Variants in ATRX observed in about 807,000 individuals in gnomAD.
ATRX encodes ATRX chromatin remodeler, also known as chromatin remodeler ATRX.
In ATRX, 12 loss-of-function variants were observed where a neutral mutation model predicts 172.6. The ratio of observed to expected loss-of-function variants is 0.07; its 90% CI spans 0.04 to 0.11. The LOEUF is 0.11. Ranked by LOEUF, ATRX falls within the 10% of genes least tolerant of loss-of-function variation. The probability of loss-of-function intolerance (pLI) is 1.00; values close to 1 mark genes in which losing one functional copy is unlikely to be tolerated. For synonymous variants in ATRX, 674 were observed against 594.7 expected, an observed-to-expected ratio of 1.13 and a Z score of -1.94; for missense variants, 1,368 against 1,767.4, an observed-to-expected ratio of 0.77 and a Z score of 4.05.
At chrX:77,540,186 C>G (rs1557050194) in intron 30 of ATRX, among the ~76,000 whole-genome samples, 2 of 111,415 alleles carry the variant, frequency 1.8e-5, no homozygotes, top group Non-Finnish European at 3.8e-5. Flanking sequence ...ATAAAACAGA[C>G]TTTAAAACCA....
Position 77,682,228 on chromosome X carries a change from C to T in ATRX, c.3028G>A (p.Glu1010Lys), listed in dbSNP as rs1557138332. 7 of 1,209,423 alleles carry T rather than the reference C, an allele frequency of 5.8e-6. No individual in the cohort carries two copies. Among genetic ancestry groups the T allele is most frequent in the Non-Finnish European group, 2.2e-6 (2 of 894,280 alleles). Residue 1010 changes from glutamate (E) to lysine (K), a missense_variant, in exon 9 of 35, where the codon GAA becomes AAA. Physicochemically the swap from Glu to Lys is moderately conservative, Grantham distance 56. Transcript: ENST00000373344. ...TTTTCAGTGCCATCAGATGAAGATT[C>T]ATACTGTTGTTCCATTTTAATTACT... ...KKVIKMEQQYESSSDGTEKLP... is the reference protein window; with the variant it reads ...KKVIKMEQQYKSSSDGTEKLP...
At chrX:77,639,498 G>A (rs2068550752) in intron 15 of ATRX, among the ~76,000 whole-genome samples, 2 of 111,815 alleles carry the variant, frequency 1.8e-5, no homozygotes, top group Admixed American at 9.5e-5. Context: ...AAACCCAGTA[G>A]AGCCACGCTC....
chrX:77,744,975 G>C (rs1407307944), intron 1 of ATRX, among the ~76,000 whole-genome samples: 1 of 107,673 alleles, frequency 9.3e-6, no homozygotes, highest in Admixed American at 1.0e-4. Context: ...CAGCCTGGGT[G>C]ACAGAGTGAG....
At chrX:77,653,294 C>T (rs1557118193) in intron 14 of ATRX, among the ~76,000 whole-genome samples, 1 of 111,727 alleles carries the variant, frequency 9.0e-6, no homozygotes, top group Non-Finnish European at 1.9e-5. Context: ...TAGAAACAAC[C>T]CAAATGTCCA....
chrX:77,664,404 C>G (rs1214519321), intron 11 of ATRX, among the ~76,000 whole-genome samples: 2 of 110,146 alleles, frequency 1.8e-5, no homozygotes, highest in Non-Finnish European at 3.8e-5. Context: ...GGACTACAGG[C>G]ACGCACTATC....
chrX:77,775,546 T>C (rs1443463178), intron 1 of ATRX, among the ~76,000 whole-genome samples: 1 of 110,335 alleles, frequency 9.1e-6, no homozygotes, highest in Non-Finnish European at 1.9e-5. Context: ...TAACTCAGCA[T>C]GGTGGCATGC....
intron 1 of ATRX, among the ~76,000 whole-genome samples, chrX:77,724,407 T>C (rs1295743172): frequency 1.9e-4 from 21 of 109,758 alleles, no homozygotes; most frequent in Non-Finnish European, 3.8e-4. Context: ...CTTTTTTTTT[T>C]CCTTTGGAGA....
At chrX:77,691,966 C>T (rs1557147243) in intron 6 of ATRX, among the ~76,000 whole-genome samples, 1 of 111,883 alleles carries the variant, frequency 8.9e-6, no homozygotes, top group East Asian at 2.8e-4. Flanking sequence ...GATACCAAAA[C>T]ATTCCTACAC....
At chrX:77,721,538 G>T (rs1010693739) in intron 1 of ATRX, among the ~76,000 whole-genome samples, 7 of 111,430 alleles carry the variant, frequency 6.3e-5, no homozygotes, top group Non-Finnish European at 1.1e-4. Flanking sequence ...ATAACAGATA[G>T]AGAGCCAAAT....
At position 77,684,557 on chromosome X, in the gene ATRX, G is replaced by A. The variant is rs782623313; in HGVS notation, c.699C>T (p.Asp233=). 27 of 1,211,128 alleles carry A rather than the reference G, an allele frequency of 2.2e-5. No homozygotes were observed. Among genetic ancestry groups the A allele is most frequent in the Non-Finnish European group, 3.0e-5 (27 of 895,111 alleles). ...CAEGGNLICC[D]FCHNAFCKKC... ...TCTTGCAGAAAGCATTATGGCAAAAGTCACAACAAATCAAGTTTCCACCTT... is the reference window on the plus strand; with the variant it reads ...TCTTGCAGAAAGCATTATGGCAAAAATCACAACAAATCAAGTTTCCACCTT... Residue 233 remains aspartate, a synonymous_variant, in exon 9 of 35, where the codon GAC becomes GAT. Transcript: ENST00000373344.
intron 1 of ATRX, among the ~76,000 whole-genome samples, chrX:77,736,005 C>CA (rs1264213602): frequency 5.2e-4 from 41 of 78,344 alleles, no homozygotes; most frequent in East Asian, 1.5e-3. Context: ...AACTCCACCT[C>CA]AAAAAAAAAA....
chrX:77,676,546 A>C (rs549133485), intron 9 of ATRX, among the ~76,000 whole-genome samples: 1 of 112,114 alleles, frequency 8.9e-6, no homozygotes. Flanking sequence ...CAAGGCTTTT[A>C]AAGTCCACCC....
At chrX:77,595,525 A>G (rs1208206053) in intron 25 of ATRX, 2 of 111,942 alleles carry the variant, frequency 1.8e-5, no homozygotes, top group Non-Finnish European at 3.8e-5. Flanking sequence ...GAAATAGATA[A>G]GCTTCCTTGT....
At chrX:77,533,989 T>A (rs782289699) in intron 30 of ATRX, among the ~76,000 whole-genome samples, 8 of 112,005 alleles carry the variant, frequency 7.1e-5, no homozygotes, top group Admixed American at 5.7e-4. Context: ...CCAGTTTTTA[T>A]TACCAAATCT....
At chrX:77,612,969 C>A (rs2067219441) in intron 22 of ATRX, among the ~76,000 whole-genome samples, 1 of 111,924 alleles carries the variant, frequency 8.9e-6, no homozygotes, top group South Asian at 3.7e-4. Context: ...TATGTCCATA[C>A]CACATTTTGT....
At chrX:77,722,113 G>C (rs1906848333) in intron 1 of ATRX, among the ~76,000 whole-genome samples, 1 of 111,566 alleles carries the variant, frequency 9.0e-6, no homozygotes, top group African/African-American at 3.3e-5. Context: ...TGGAAAACTG[G>C]CTAGCCATAT....
chrX:77,534,244 A>T (rs1334420429), intron 30 of ATRX, among the ~76,000 whole-genome samples: 1 of 112,055 alleles, frequency 8.9e-6, no homozygotes, highest in Non-Finnish European at 1.9e-5. Flanking sequence ...GAGAAAAAAA[A>T]GACATAGGAT....
At position 77,521,524 on chromosome X, in the gene ATRX, T is replaced by C. The variant is rs1321590881; in HGVS notation, c.6976-26A>G. 3 of 1,092,448 alleles carry C rather than the reference T, an allele frequency of 2.7e-6. No individual in the cohort carries two copies. In the African/African-American group the frequency reaches 5.4e-5, roughly 20 times the overall value. 90.0% of individuals were successfully genotyped at this position (1,092,448 alleles called of 1,213,427 possible). On this transcript the variant is annotated intron_variant, in intron 32 of 34. Transcript: ENST00000373344. ...CTAGAAGAATGCAAGAAATAAGTTA[T>C]ATAAGGCAGAAAGACAGCATAGTGT... is the stretch of plus-strand genomic sequence containing the variant.
chrX:77,681,695 G>T lies in ATRX; in HGVS notation c.3561C>A (p.Asn1187Lys). 3 of 1,208,287 alleles carry T rather than the reference G, an allele frequency of 2.5e-6. No individual in the cohort carries two copies. Among genetic ancestry groups the T allele is most frequent in the Non-Finnish European group, 3.4e-6 (3 of 894,570 alleles). Residue 1187 changes from asparagine (N) to lysine (K), a missense_variant, in exon 9 of 35, where the codon AAC (asparagine) becomes AAA (lysine). Asn to Lys is a moderately conservative substitution (Grantham distance 94, BLOSUM62 0). Around this residue, in one of 17 missense-constraint regions of ATRX, gnomAD observed 843 missense variants for 643.1 expected, o/e 1.31. Coordinates refer to ENST00000373344, the MANE Select transcript of ATRX (RefSeq NM_000489.6). ...KAVIVKEKKR[N>K]SLRTSTKRKQ... ...TCCTTTTAGTGCTTGTTCTTAGGGA[G>T]TTTCTCTTTTTCTCCTTGACAATGA...
Sources: gnomAD v4.1 joint callset for allele counts (sites outside exome capture counted in the v4.1 genomes callset) on GRCh38, gnomAD v4.1.1 for gene constraint, gnomAD v4.1.1 regional missense constraint, MANE v1.5 for transcripts, NCBI Gene and HGNC (gene_info 2026-07-23, HGNC 2026-07-21) for gene names.